The following GPBP1 variants were observed in gnomAD, a reference collection of about 807,000 sequenced individuals.
GPBP1 encodes vasculin.
Under a neutral mutation model 56.5 loss-of-function variants are expected in GPBP1, and 13 were observed. That is an observed-to-expected ratio of 0.23 (90% confidence interval 0.15 to 0.37). The LOEUF (loss-of-function observed/expected upper bound fraction) is 0.37. GPBP1 is among the 10% of genes least tolerant of loss of function. The probability of loss-of-function intolerance (pLI) is 1.00; values close to 1 mark genes in which losing one functional copy is unlikely to be tolerated. For missense variants in GPBP1, 477 were observed against 572.3 expected, an observed-to-expected ratio of 0.83 and a Z score of 1.70; for synonymous variants, 204 against 188.9, an observed-to-expected ratio of 1.08 and a Z score of -0.66.
At chr5:57,237,181 C>T (rs780168992) in intron 6 of GPBP1, 1 of 1,532,584 alleles carries the variant, frequency 6.5e-7, no homozygotes, top group Non-Finnish European at 8.9e-7. Context: ...AGGTATGTTT[C>T]CTTATTATTC....
intron 2 of GPBP1, among the ~76,000 whole-genome samples, chr5:57,184,355 C>T (rs1754193315): frequency 1.3e-5 from 2 of 152,104 alleles, no homozygotes; most frequent in African/African-American, 2.4e-5. Context: ...TTTATTGGCT[C>T]TTGGTTCAGC....
At chr5:57,231,942 AAGAG>A (rs149280346) in intron 5 of GPBP1, among the ~76,000 whole-genome samples, 2,351 of 152,220 alleles carry the variant, frequency 0.015, 135 homozygotes, top group East Asian at 0.096. Flanking sequence ...GACTGAAAGG[AAGAG>A]AGAGAGAGCT....
intron 6 of GPBP1, among the ~76,000 whole-genome samples, chr5:57,245,046 T>G (rs1475610236): frequency 1.3e-5 from 2 of 152,198 alleles, no homozygotes; most frequent in South Asian, 2.1e-4. Flanking sequence ...GTTTGAGATC[T>G]TTATTCATTT....
At chr5:57,214,000 G>A in intron 2 of GPBP1, 74 bp from the exon 3 acceptor site, 1 of 683,784 alleles carries the variant, frequency 1.5e-6, no homozygotes. Flanking sequence ...TAAGTAGTAA[G>A]ATCATTGTAA....
chr5:57,185,201 A>T (rs1282332422), intron 2 of GPBP1, among the ~76,000 whole-genome samples: 1 of 150,178 alleles, frequency 6.7e-6, no homozygotes, highest in East Asian at 2.0e-4. Flanking sequence ...AATGGGTGTT[A>T]GTTGTTATCA....
chr5:57,253,792 A>AT (rs1408339678), intron 10 of GPBP1, among the ~76,000 whole-genome samples: 1 of 152,176 alleles, frequency 6.6e-6, no homozygotes, highest in Admixed American at 6.5e-5. Context: ...AAACAAAAAA[A>AT]ACATAGAGAT....
intron 2 of GPBP1, among the ~76,000 whole-genome samples, chr5:57,191,901 T>A (rs1185588833): frequency 6.6e-6 from 1 of 152,158 alleles, no homozygotes; most frequent in Non-Finnish European, 1.5e-5. Context: ...ATGAGCAGAA[T>A]TTAAGACTTA....
At chr5:57,180,234 C>T (rs771650792) in intron 2 of GPBP1, among the ~76,000 whole-genome samples, 2 of 152,170 alleles carry the variant, frequency 1.3e-5, no homozygotes, top group Non-Finnish European at 1.5e-5. Context: ...TATGCCTCAG[C>T]CTCCCAAGTA....
intron 10 of GPBP1, among the ~76,000 whole-genome samples, chr5:57,251,860 CT>C (rs1291263819): frequency 6.6e-6 from 1 of 152,100 alleles, no homozygotes; most frequent in Non-Finnish European, 1.5e-5. Context: ...TACCATCTAT[CT>C]TTGATTACAG....
intron 2 of GPBP1, among the ~76,000 whole-genome samples, chr5:57,198,416 A>G (rs1754858165): frequency 6.6e-6 from 1 of 152,156 alleles, no homozygotes; most frequent in Admixed American, 6.5e-5. Context: ...GGATGCCATC[A>G]TGAACTTGAA....
In GPBP1 at chr5:57,198,514, T is replaced by C. The variant is rs1161354978; in HGVS notation, c.-57-15560T>C. Among the ~76,000 whole-genome samples, 30 of 152,220 alleles carry C rather than the reference T, an allele frequency of 2.0e-4. No individual in the cohort carries two copies. In the East Asian group the frequency reaches 2.1e-3, roughly 11 times the overall value. On this transcript the variant is annotated intron_variant, in intron 2 of 11. Transcript: ENST00000506184. ...ATCGAGTATTTTTATATTTCTATTA[T>C]GGTAGTGGTTATCATAGTTTTCTTA...
intron 2 of GPBP1, among the ~76,000 whole-genome samples, chr5:57,177,943 A>G (rs1392830975): frequency 6.6e-6 from 1 of 152,038 alleles, no homozygotes; most frequent in Admixed American, 6.6e-5. Flanking sequence ...AATGTAAAAT[A>G]GAGTTTTTTT....
chr5:57,231,568 A>T (rs1016888598), intron 5 of GPBP1, among the ~76,000 whole-genome samples: 3 of 152,156 alleles, frequency 2.0e-5, no homozygotes, highest in Admixed American at 2.0e-4. Context: ...GCCACTGCGC[A>T]CTGAGCCACT....
chr5:57,179,834 A>T (rs1038888568), intron 2 of GPBP1, among the ~76,000 whole-genome samples: 2 of 152,142 alleles, frequency 1.3e-5, no homozygotes, highest in Admixed American at 6.5e-5. Flanking sequence ...CTAACTTCAG[A>T]TGTCTGTCCA....
intron 3 of GPBP1, among the ~76,000 whole-genome samples, chr5:57,217,723 A>G (rs1255275133): frequency 1.3e-5 from 2 of 151,890 alleles, no homozygotes; most frequent in Non-Finnish European, 2.9e-5. Flanking sequence ...GAAAAAGCAT[A>G]TTGACTCTCT....
intron 2 of GPBP1, among the ~76,000 whole-genome samples, chr5:57,209,783 GTAT>G (rs1377343665): frequency 6.6e-6 from 1 of 152,086 alleles, no homozygotes; most frequent in African/African-American, 2.4e-5. Flanking sequence ...TTAATGTGGT[GTAT>G]TATTGATTGA....
intron 2 of GPBP1, among the ~76,000 whole-genome samples, chr5:57,201,068 C>A (rs1256110501): frequency 2.0e-5 from 3 of 152,122 alleles, no homozygotes; most frequent in Admixed American, 6.5e-5. Flanking sequence ...GGGTAATCTG[C>A]CCTCCTCGGC....
chr5:57,208,106 G>C (rs1323718963), intron 2 of GPBP1, among the ~76,000 whole-genome samples: 34 of 152,086 alleles, frequency 2.2e-4, no homozygotes, highest in Non-Finnish European at 1.0e-4. Flanking sequence ...CGGGGATGGA[G>C]CCCTCGCGAG....
At chr5:57,244,890 C>T (rs771651914) in intron 6 of GPBP1, among the ~76,000 whole-genome samples, 4 of 152,008 alleles carry the variant, frequency 2.6e-5, no homozygotes, top group Non-Finnish European at 4.4e-5. Flanking sequence ...CATGCCAACA[C>T]GCCCCGCTAA....
Sources: allele counts gnomAD v4.1 joint callset (sites outside exome capture counted in the v4.1 genomes callset), GRCh38; gene constraint gnomAD v4.1.1; transcripts MANE v1.5; gene names NCBI Gene and HGNC (gene_info 2026-07-23, HGNC 2026-07-21).